PRKN: variants seen among roughly 807,000 people sequenced by gnomAD.
The protein encoded by PRKN is parkin RBR E3 ubiquitin protein ligase, also known as E3 ubiquitin-protein ligase parkin.
PRKN carries 56 observed loss-of-function variants against 59.5 expected under a neutral mutation model. That is an observed-to-expected ratio of 0.94 (90% confidence interval 0.76 to 1.18). The LOEUF (loss-of-function observed/expected upper bound fraction) is 1.18, where lower values mean the gene tolerates loss of function less well. Among genes scored for constraint, PRKN ranks in the 50% most tolerant of loss-of-function variants. The pLI is 0.00. For synonymous variants in PRKN, 250 were observed against 222.1 expected, an observed-to-expected ratio of 1.13 and a Z score of -1.12; for missense variants, 657 against 596.4, an observed-to-expected ratio of 1.10 and a Z score of -1.06.
At chr6:162,031,749 C>T (rs1170265873) in intron 5 of PRKN, among the ~76,000 whole-genome samples, 1 of 151,962 alleles carries the variant, frequency 6.6e-6, no homozygotes, top group Non-Finnish European at 1.5e-5. Context: ...AGGCTGGTCT[C>T]GAACTCCTGA....
chr6:161,539,628 T>C lies in PRKN; in HGVS notation c.1083+9226A>G, dbSNP rs1779547881. Among the ~76,000 whole-genome samples, 4 of 152,210 alleles carry C rather than the reference T, an allele frequency of 2.6e-5. No homozygotes were observed. In the South Asian group the frequency reaches 6.2e-4, roughly 24 times the overall value. ...TACTAAGTTTAATTAAGAAAAAAAGTAATTCATAAACTCAGTCCCTAAGTA... is the reference window on the plus strand; with the variant it reads ...TACTAAGTTTAATTAAGAAAAAAAGCAATTCATAAACTCAGTCCCTAAGTA... On this transcript the variant is annotated intron_variant, in intron 9 of 11. Coordinates refer to ENST00000366898, the MANE Select transcript of PRKN (RefSeq NM_004562.3).
chr6:161,645,901 A>C (rs997453452), intron 7 of PRKN, among the ~76,000 whole-genome samples: 3 of 151,532 alleles, frequency 2.0e-5, no homozygotes, highest in African/African-American at 7.3e-5. Context: ...GTGGCGGAGG[A>C]GGCGGCGTAT....
chr6:161,884,271 G>C (rs1369923483), intron 6 of PRKN, among the ~76,000 whole-genome samples: 1 of 152,170 alleles, frequency 6.6e-6, no homozygotes, highest in Non-Finnish European at 1.5e-5. Flanking sequence ...TTTTTGTGAA[G>C]ATGTGTCGTG....
rs578023899 is a variant in PRKN, at chr6:161,761,812, C to A, written c.871+23960G>T. Among the ~76,000 whole-genome samples, 5 of 152,070 alleles carry A rather than the reference C, an allele frequency of 3.3e-5. No individual in the cohort carries two copies. In the South Asian group the frequency reaches 1.0e-3, roughly 32 times the overall value. On this transcript the variant is annotated intron_variant, in intron 7 of 11. Coordinates refer to ENST00000366898, the MANE Select transcript of PRKN (RefSeq NM_004562.3). ...GTTGGCACTGGGAAAAACGGAATCC[C>A]AAGGAAGAACAAGATTTGAAGGTTT...
chr6:161,638,779 T>C (rs1217036724), intron 7 of PRKN, among the ~76,000 whole-genome samples: 1 of 138,076 alleles, frequency 7.2e-6, no homozygotes, highest in African/African-American at 2.8e-5. Context: ...TCTCACTCTT[T>C]CAGCCAGGCT....
chr6:161,581,041 AACACACACACAC>A lies in PRKN; in HGVS notation c.872-11637_872-11626del, dbSNP rs71004055. On this transcript the variant is annotated intron_variant, in intron 7 of 11. Coordinates refer to ENST00000366898, the MANE Select transcript of PRKN (RefSeq NM_004562.3). The surrounding 1 kb of genome is among the most constrained non-coding windows in gnomAD (Gnocchi z 4.5). ...ACACAGTGAAATCCTGTCTCTACTA[AACACACACACAC>A]ACACACACACACACACACACACAAA... 1.0e-4 allele frequency among the ~76,000 whole-genome samples: 14 copies of A among 137,538 alleles called. No individual in the cohort carries two copies. Among genetic ancestry groups the A allele is most frequent in the African/African-American group, 1.7e-4 (6 of 35,874 alleles). 90.2% of individuals were successfully genotyped at this position (137,538 alleles called of 152,430 possible). A position where few individuals can be genotyped will look rare whatever the true frequency, so the allele number is the denominator to read the frequency against.
intron 6 of PRKN, among the ~76,000 whole-genome samples, chr6:161,926,043 G>A (rs1778956736): frequency 6.6e-6 from 1 of 152,186 alleles, no homozygotes; most frequent in African/African-American, 2.4e-5. Flanking sequence ...AGTAAACGGT[G>A]CAGTAGAAGC....
At chr6:162,397,815 T>C (rs1787550464) in intron 2 of PRKN, among the ~76,000 whole-genome samples, 1 of 152,018 alleles carries the variant, frequency 6.6e-6, no homozygotes, top group Admixed American at 6.6e-5. Context: ...GGTGGGTGGA[T>C]CACTTGAGGT....
intron 1 of PRKN, among the ~76,000 whole-genome samples, chr6:162,594,957 G>A (rs941138298): frequency 1.3e-5 from 2 of 152,076 alleles, no homozygotes; most frequent in East Asian, 2.0e-4. Flanking sequence ...AGTAGATCAC[G>A]AGGTCAGGAG....
chr6:162,607,695 C>A (rs560012744), intron 1 of PRKN, among the ~76,000 whole-genome samples: 14 of 152,056 alleles, frequency 9.2e-5, no homozygotes, highest in Non-Finnish European at 2.1e-4. Context: ...CAAAGCAAAG[C>A]ACCAGTGGGA....
chr6:162,711,790 T>C (rs13192618), intron 1 of PRKN, among the ~76,000 whole-genome samples: 15,121 of 152,204 alleles, frequency 0.099, 914 homozygotes, highest in Middle Eastern at 0.18. Flanking sequence ...GGCATGAGGG[T>C]TGCTTTCTGA....
chr6:162,509,073 A>T (rs1471646638), intron 1 of PRKN, among the ~76,000 whole-genome samples: 1 of 152,088 alleles, frequency 6.6e-6, no homozygotes, highest in African/African-American at 2.4e-5. Flanking sequence ...TCAAATAAAT[A>T]CTCATGATGC....
In PRKN at chr6:161,397,891, T is replaced by C. The variant is rs1786839143; in HGVS notation, c.1084-11014A>G. ...TTGGTCCAATGGTTCAATGGTCAGCTAGATTCAGAGGCTAAGATCACAGGC... is the reference window on the plus strand; with the variant it reads ...TTGGTCCAATGGTTCAATGGTCAGCCAGATTCAGAGGCTAAGATCACAGGC... On this transcript the variant is annotated intron_variant, in intron 9 of 11. Transcript: ENST00000366898. This position sits in a 1 kb window ranked among gnomAD's most constrained non-coding sequence, Gnocchi z 4.2. 6.6e-6 allele frequency among the ~76,000 whole-genome samples: 1 copy of C among 152,064 alleles called. No homozygotes were observed. The highest frequency in any genetic ancestry group is 6.6e-5 in the Admixed American group (1 of 15,260).
rs1303651582 is a variant in PRKN at position 161,454,937 on chromosome 6, T to G, written c.1084-68060A>C. The stretch of plus-strand genomic sequence containing the variant: ...TATATTTTTCTTCATAACACTGGTT[T>G]CTCTAGACATTATATTACATCTAGA... On this transcript the variant is annotated intron_variant, in intron 9 of 11. Coordinates refer to ENST00000366898, the MANE Select transcript of PRKN (RefSeq NM_004562.3). This position sits in a 1 kb window ranked among gnomAD's most constrained non-coding sequence, Gnocchi z 4.6. Among the ~76,000 whole-genome samples the G allele has an allele frequency of 6.6e-6, 1 of 152,182 alleles. No homozygotes were observed. Among genetic ancestry groups the G allele is most frequent in the African/African-American group, 2.4e-5 (1 of 41,444 alleles).
At chr6:161,606,315 A>T (rs1209620606) in intron 7 of PRKN, among the ~76,000 whole-genome samples, 1 of 152,148 alleles carries the variant, frequency 6.6e-6, no homozygotes, top group Non-Finnish European at 1.5e-5. Flanking sequence ...TTAAGAGCTA[A>T]CTAGTAGGTA....
chr6:162,310,039 A>C (rs1268188585), intron 2 of PRKN, among the ~76,000 whole-genome samples: 2 of 152,098 alleles, frequency 1.3e-5, no homozygotes, highest in Non-Finnish European at 2.9e-5. Flanking sequence ...AAAGGACATG[A>C]TCTCATTCTT....
chr6:162,057,224 T>C (rs1310468360), intron 4 of PRKN, among the ~76,000 whole-genome samples: 1 of 152,182 alleles, frequency 6.6e-6, no homozygotes, highest in African/African-American at 2.4e-5. Context: ...GTGTTCACGA[T>C]AATGGAAGCA....
At chr6:162,279,603 A>G (rs979204464) in intron 2 of PRKN, among the ~76,000 whole-genome samples, 2 of 152,068 alleles carry the variant, frequency 1.3e-5, no homozygotes, top group Non-Finnish European at 2.9e-5. Context: ...TTTACTTCCA[A>G]TTATGTGGTC....
rs1010698135 is a variant in PRKN at position 162,101,889 on chromosome 6, A to G, written c.535-47715T>C. 7.2e-5 allele frequency among the ~76,000 whole-genome samples: 11 copies of G among 152,312 alleles called. No homozygotes were observed. The East Asian group carries it at 2.1e-3, about 29-fold the overall frequency. ...GAAAACTTTACTGTGTATTTCCTAA[A>G]AACAAGACATTCTTCTACACAATTG... On this transcript the variant is annotated intron_variant, in intron 4 of 11. Coordinates refer to ENST00000366898, the MANE Select transcript of PRKN (RefSeq NM_004562.3).
Sources: gnomAD v4.1 joint callset for allele counts (sites outside exome capture counted in the v4.1 genomes callset) on GRCh38, gnomAD v4.1.1 for gene constraint, Gnocchi (gnomAD v3.1) non-coding constraint, MANE v1.5 for transcripts, NCBI Gene and HGNC (gene_info 2026-07-23, HGNC 2026-07-21) for gene names.